ZBTB20: variants seen among roughly 807,000 people sequenced by gnomAD.
ZBTB20 encodes zinc finger and BTB domain containing 20.
ZBTB20 carries 9 observed loss-of-function variants against 56.9 expected under a neutral mutation model. The ratio of observed to expected loss-of-function variants is 0.16; its 90% CI spans 0.10 to 0.28. The LOEUF is 0.28. Among genes scored for constraint, ZBTB20 ranks in the 10% least tolerant of loss-of-function variants. The pLI is 1.00. For synonymous variants in ZBTB20, 417 were observed against 420.7 expected (o/e 0.99, Z 0.11); for missense variants, 655 against 1,003.0 (o/e 0.65, Z 4.69).
chr3:114,435,258 T>C (rs1453274798), intron 7 of ZBTB20, among the ~76,000 whole-genome samples: 3 of 152,094 alleles, frequency 2.0e-5, no homozygotes, highest in African/African-American at 7.2e-5. Flanking sequence ...TTGCACACCA[T>C]AGCAGCAAAA....
intron 4 of ZBTB20, among the ~76,000 whole-genome samples, chr3:114,812,718 T>TC (rs942734195): frequency 6.6e-6 from 1 of 152,152 alleles, no homozygotes; most frequent in Non-Finnish European, 1.5e-5. Context: ...CCTTGGGTGG[T>TC]CGATGGGACT....
At position 114,945,757 on chromosome 3, in the gene ZBTB20, T is replaced by A. The variant is rs1373284357; in HGVS notation, c.-456+28609A>T. Among the ~76,000 whole-genome samples, 4 of 145,354 alleles carry A rather than the reference T, an allele frequency of 2.8e-5. 2 individuals carry two copies. Among genetic ancestry groups the A allele is most frequent in the African/African-American group, 1.1e-4 (4 of 35,766 alleles). On this transcript the variant is annotated intron_variant, in intron 3 of 11. Coordinates refer to ENST00000675478, the MANE Select transcript of ZBTB20 (RefSeq NM_001348800.3). Reference sequence around the variant, plus strand: ...TGAAATACAATGTCAGACTTTGAATTAAAAATCACCATTAATAATATGCTA... The same window carrying A: ...TGAAATACAATGTCAGACTTTGAATAAAAAATCACCATTAATAATATGCTA...
chr3:114,750,976 T>A (rs1246645638), intron 5 of ZBTB20, among the ~76,000 whole-genome samples: 3 of 152,176 alleles, frequency 2.0e-5, no homozygotes, highest in South Asian at 4.2e-4. Context: ...TTCCAAAGGA[T>A]TAAGTTAGTT....
chr3:114,561,812 C>T (rs1278406126), intron 6 of ZBTB20, among the ~76,000 whole-genome samples: 1 of 152,028 alleles, frequency 6.6e-6, no homozygotes, highest in Admixed American at 6.6e-5. Context: ...TAAGCCTATC[C>T]TTTGATGCTT....
At chr3:114,348,577 A>G (rs2108178287) in intron 11 of ZBTB20, among the ~76,000 whole-genome samples, 1 of 152,344 alleles carries the variant, frequency 6.6e-6, no homozygotes, top group East Asian at 1.9e-4. Context: ...GGAAGTGTGA[A>G]TACTGTGATC....
At chr3:115,022,027 C>T (rs1363656380) in intron 2 of ZBTB20, among the ~76,000 whole-genome samples, 2 of 150,554 alleles carry the variant, frequency 1.3e-5, no homozygotes, top group African/African-American at 4.8e-5. Flanking sequence ...ACTTTATTAA[C>T]AGTTTTGAAG....
chr3:114,760,004 T>C (rs2068320485), intron 5 of ZBTB20, among the ~76,000 whole-genome samples: 1 of 152,070 alleles, frequency 6.6e-6, no homozygotes, highest in Non-Finnish European at 1.5e-5. Context: ...AAAAAGAATA[T>C]ACAGAGATTA....
intron 1 of ZBTB20, among the ~76,000 whole-genome samples, chr3:115,118,321 C>T (rs982487665): frequency 2.6e-5 from 4 of 152,108 alleles, no homozygotes; most frequent in African/African-American, 9.7e-5. Flanking sequence ...TCAGCCTCTG[C>T]AGAGTGGCTG....
intron 7 of ZBTB20, among the ~76,000 whole-genome samples, chr3:114,406,540 A>G (rs2087340078): frequency 6.6e-6 from 1 of 152,182 alleles, no homozygotes; most frequent in African/African-American, 2.4e-5. Context: ...AAAGTAAACC[A>G]GCTAAATATG....
At chr3:115,030,000 CAG>C (rs1470170838) in intron 2 of ZBTB20, among the ~76,000 whole-genome samples, 1 of 150,868 alleles carries the variant, frequency 6.6e-6, no homozygotes, top group Non-Finnish European at 1.5e-5. Flanking sequence ...CAACATATGA[CAG>C]AGTATCATAT....
At chr3:114,808,308 G>A (rs2072270773) in intron 4 of ZBTB20, among the ~76,000 whole-genome samples, 2 of 151,910 alleles carry the variant, frequency 1.3e-5, no homozygotes, top group Admixed American at 6.6e-5. Flanking sequence ...ATCAGTCACA[G>A]GTTGTATTTC....
chr3:114,711,893 G>A (rs746628418), intron 5 of ZBTB20, among the ~76,000 whole-genome samples: 4 of 152,100 alleles, frequency 2.6e-5, no homozygotes, highest in South Asian at 2.1e-4. Flanking sequence ...AAGCTTTGAC[G>A]ATGCGCTATA....
chr3:114,506,837 C>T (rs1478757337), intron 6 of ZBTB20, among the ~76,000 whole-genome samples: 1 of 152,152 alleles, frequency 6.6e-6, no homozygotes, highest in African/African-American at 2.4e-5. Flanking sequence ...TTTCCCACTG[C>T]TGCTTCTTTA....
chr3:114,809,705 A>G (rs1305686203), intron 4 of ZBTB20, among the ~76,000 whole-genome samples: 3 of 151,692 alleles, frequency 2.0e-5, no homozygotes, highest in African/African-American at 4.8e-5. Flanking sequence ...TTTTTTCTTC[A>G]GACACTTTCT....
chr3:114,953,108 T>C (rs1052030784), intron 3 of ZBTB20, among the ~76,000 whole-genome samples: 2 of 152,076 alleles, frequency 1.3e-5, no homozygotes, highest in Admixed American at 6.6e-5. Context: ...CTTATATGGT[T>C]GTAAGATTTC....
intron 6 of ZBTB20, among the ~76,000 whole-genome samples, chr3:114,544,514 T>C (rs967077409): frequency 2.7e-5 from 4 of 149,714 alleles, no homozygotes; most frequent in African/African-American, 7.3e-5. Context: ...TTCTTTCTTT[T>C]TTTTTTTTTG....
At chr3:114,950,093 A>T (rs1328295547) in intron 3 of ZBTB20, among the ~76,000 whole-genome samples, 1 of 152,138 alleles carries the variant, frequency 6.6e-6, no homozygotes, top group Non-Finnish European at 1.5e-5. Context: ...ATGAAAAAAG[A>T]CCAAGTGTTT....
chr3:114,434,489 C>G (rs1386759009), intron 7 of ZBTB20, among the ~76,000 whole-genome samples: 2 of 151,280 alleles, frequency 1.3e-5, no homozygotes, highest in Non-Finnish European at 2.9e-5. Flanking sequence ...TTTTGTATTC[C>G]TCTTGGACAC....
chr3:115,024,819 C>G (rs1217076535), intron 2 of ZBTB20, among the ~76,000 whole-genome samples: 1 of 151,164 alleles, frequency 6.6e-6, no homozygotes, highest in African/African-American at 2.4e-5. Context: ...ATAGCAGCTA[C>G]ATATTCACTA....
Sources: gnomAD v4.1 joint callset for allele counts (sites outside exome capture counted in the v4.1 genomes callset) on GRCh38, gnomAD v4.1.1 for gene constraint, MANE v1.5 for transcripts, NCBI Gene and HGNC (gene_info 2026-07-23, HGNC 2026-07-21) for gene names.